The following METTL23 variants were observed in gnomAD, a reference collection of about 807,000 sequenced individuals.
METTL23 encodes histone-arginine methyltransferase METTL23.
In METTL23, 24 loss-of-function variants were observed where a neutral mutation model predicts 21.2. The ratio of observed to expected loss-of-function variants is 1.13; its 90% CI spans 0.82 to 1.59. METTL23 has a LOEUF of 1.59. METTL23 is among the 40% of genes most tolerant of loss of function. METTL23 has a pLI of 0.00. For missense variants in METTL23, 276 were observed against 221.4 expected, an observed-to-expected ratio of 1.25 and a Z score of -1.57; for synonymous variants, 97 against 75.2, an observed-to-expected ratio of 1.29 and a Z score of -1.50.
In METTL23 at chr17:76,733,151, G is replaced by T; in HGVS notation, c.258G>T (p.Trp86Cys). The change falls in exon 3 of 5, where the codon TGG becomes TGT. Residue 86 changes from tryptophan (W) to cysteine (C), a missense_variant. Trp to Cys is a radical substitution (Grantham distance 215). Transcript: ENST00000341249. ...GACTAACATGGGGTCATATATCTTG[G>T]GATCTTCTGGCTCTACCACCACAAG... ...VVGLTWGHIS[W>C]DLLALPPQDI... 6.2e-7 allele frequency: 1 copy of T among 1,613,810 alleles called. No homozygotes were observed. Among genetic ancestry groups the T allele is most frequent in the Non-Finnish European group, 8.5e-7 (1 of 1,179,834 alleles).
chr17:76,726,773 A>G (rs1016127159), upstream of METTL23: 5 of 427,334 alleles, frequency 1.2e-5, no homozygotes, highest in Non-Finnish European at 2.3e-5. Context: ...TGGGAAGGTC[A>G]CGTCGGCTGC....
At chr17:76,726,415 T>C (rs1446449520), upstream of METTL23, 2 of 1,604,844 alleles carry the variant, frequency 1.2e-6, no homozygotes, top group East Asian at 2.3e-5. Flanking sequence ...AGCGAGTCCT[T>C]GAGCTCCGGC....
chr17:76,727,814 T>TC (rs1304614044), intron 1 of METTL23, among the ~76,000 whole-genome samples: 2 of 152,192 alleles, frequency 1.3e-5, no homozygotes, highest in East Asian at 3.9e-4. Context: ...CACTGCAACC[T>TC]CCAACTCCCG....
At position 76,733,781 on chromosome 17, in the gene METTL23, G is replaced by A. The variant is rs2077355495; in HGVS notation, c.*95G>A. On this transcript the variant is annotated 3_prime_UTR_variant, in exon 5 of 5. Transcript: ENST00000341249. ...GACCACTTCAGCTTGAGAATGCAGT[G>A]GGTCTGAAGATGGTCAAGTCTGTTT... is the stretch of plus-strand genomic sequence containing the variant. 2.0e-5 allele frequency: 23 copies of A among 1,131,320 alleles called. No homozygotes were observed. Among genetic ancestry groups the A allele is most frequent in the Non-Finnish European group, 2.9e-5 (23 of 804,584 alleles). The allele number at this position is 1,131,320 out of a possible 1,614,324, so 70.1% of individuals were successfully genotyped here.
At chr17:76,729,661 T>C (rs1218150645) in intron 1 of METTL23, 29 bp from the exon 2 acceptor site, 2 of 1,440,226 alleles carry the variant, frequency 1.4e-6, no homozygotes, top group African/African-American at 1.4e-5. Flanking sequence ...AGCTAAATTA[T>C]TTATGGCACA....
intron 2 of METTL23, 106 bp from the exon 3 acceptor site, chr17:76,732,872 C>G: frequency 1.1e-6 from 1 of 905,194 alleles, no homozygotes. Flanking sequence ...AAGACTGACT[C>G]TATGCTTATT....
upstream of METTL23, chr17:76,726,481 G>T (rs2076939551): frequency 6.3e-7 from 1 of 1,589,714 alleles, no homozygotes. Context: ...TTCATTCTGC[G>T]GGGTCGCCAG....
At chr17:76,731,303 T>G (rs949366886) in intron 2 of METTL23, among the ~76,000 whole-genome samples, 5 of 152,168 alleles carry the variant, frequency 3.3e-5, no homozygotes, top group Admixed American at 2.0e-4. Flanking sequence ...GGGTATCAGT[T>G]CTGGAGGCAG....
At chr17:76,732,331 C>T (rs1156760474) in intron 2 of METTL23, among the ~76,000 whole-genome samples, 2 of 152,174 alleles carry the variant, frequency 1.3e-5, no homozygotes, top group Non-Finnish European at 2.9e-5. Flanking sequence ...GAAACCCTGT[C>T]TCTACTAAAG....
intron 1 of METTL23, among the ~76,000 whole-genome samples, 172 bp from the exon 2 acceptor site, chr17:76,729,518 T>C (rs929313323): frequency 7.9e-5 from 12 of 152,370 alleles, no homozygotes; most frequent in African/African-American, 2.6e-4. Flanking sequence ...AACAGTGCTA[T>C]CAAGAGTTTC....
intron 2 of METTL23, among the ~76,000 whole-genome samples, chr17:76,730,246 A>G (rs183831964): frequency 6.6e-6 from 1 of 151,692 alleles, no homozygotes; most frequent in Admixed American, 6.6e-5. Context: ...CAAAGATCGC[A>G]CCATTGCCCT....
rs947936737 is a variant in METTL23 at position 76,732,924 on chromosome 17, A to C, written c.85-54A>C. 56 of 1,395,348 alleles carry C rather than the reference A, an allele frequency of 4.0e-5. No homozygotes were observed. In the African/African-American group the frequency reaches 6.9e-4, roughly 17 times the overall value. 86.4% of individuals were successfully genotyped at this position (1,395,348 alleles called of 1,614,324 possible). A position where few individuals can be genotyped will look rare whatever the true frequency, so the allele number is the denominator to read the frequency against. ...TAATGAAAAAGTACTAAGATTCCCA[A>C]TTATTTGCAGTTCCAAGTATAATTG... On this transcript the variant is annotated intron_variant, in intron 2 of 4. Coordinates refer to ENST00000341249, the MANE Select transcript of METTL23 (RefSeq NM_001080510.5).
chr17:76,727,303 C>T (rs1379258073), intron 1 of METTL23, 125 bp downstream of exon 1: 5 of 339,296 alleles, frequency 1.5e-5, no homozygotes, highest in Non-Finnish European at 2.3e-5. Context: ...TTTAGGTTGA[C>T]CCCCGGAGCA....
chr17:76,727,579 A>T (rs1433280157), intron 1 of METTL23, among the ~76,000 whole-genome samples: 3 of 152,148 alleles, frequency 2.0e-5, no homozygotes, highest in African/African-American at 4.8e-5. Flanking sequence ...GATCTTGTCC[A>T]AGGGTTTCTT....
intron 1 of METTL23, 130 bp from the exon 2 acceptor site, chr17:76,729,560 A>G (rs1376441109): frequency 6.3e-6 from 4 of 631,976 alleles, no homozygotes; most frequent in East Asian, 5.5e-5. Flanking sequence ...TATATCCCCA[A>G]AGGTCGTGGA....
At chr17:76,726,646 C>A, upstream of METTL23, 1 of 929,968 alleles carries the variant, frequency 1.1e-6, no homozygotes, top group East Asian at 2.9e-5. Flanking sequence ...AGCCACCTCC[C>A]GAGCCTCGGG....
chr17:76,730,696 T>C (rs1444196226), intron 2 of METTL23, among the ~76,000 whole-genome samples: 1 of 152,086 alleles, frequency 6.6e-6, no homozygotes, highest in African/African-American at 2.4e-5. Flanking sequence ...TGCCGGGCGC[T>C]GTGGCCCATG....
At chr17:76,731,936 T>C (rs1476699017) in intron 2 of METTL23, among the ~76,000 whole-genome samples, 1 of 152,242 alleles carries the variant, frequency 6.6e-6, no homozygotes, top group Non-Finnish European at 1.5e-5. Flanking sequence ...CTGGTATTAT[T>C]TCTTAGTGTC....
intron 1 of METTL23, among the ~76,000 whole-genome samples, chr17:76,728,758 G>A (rs1428260199): frequency 6.8e-6 from 1 of 146,758 alleles, no homozygotes; most frequent in Non-Finnish European, 1.5e-5. Context: ...TGTAGGGGGT[G>A]ATGATATTGC....
Sources: gnomAD v4.1 joint callset for allele counts (sites outside exome capture counted in the v4.1 genomes callset) on GRCh38, gnomAD v4.1.1 for gene constraint, MANE v1.5 for transcripts, NCBI Gene and HGNC (gene_info 2026-07-23, HGNC 2026-07-21) for gene names.